PTPN9: variants seen among roughly 807,000 people sequenced by gnomAD.
PTPN9 encodes tyrosine-protein phosphatase non-receptor type 9.
In PTPN9, 26 loss-of-function variants were observed where a neutral mutation model predicts 69.8. That is an observed-to-expected ratio of 0.37 (90% CI 0.27 to 0.52). PTPN9 has a LOEUF of 0.52. PTPN9 is among the 20% of genes least tolerant of loss of function. The pLI is 0.91. For synonymous variants in PTPN9, 274 were observed against 272.5 expected, an observed-to-expected ratio of 1.01 and a Z score of -0.05; for missense variants, 549 against 740.3, an observed-to-expected ratio of 0.74 and a Z score of 3.00.
intron 5 of PTPN9, chr15:75,513,062 T>A: frequency 5.3e-6 from 2 of 380,368 alleles, no homozygotes; most frequent in Non-Finnish European, 1.0e-5. Context: ...CACAGGAGAA[T>A]GCTGCAGGCT....
chr15:75,481,838 G>C (rs983866706), intron 8 of PTPN9, among the ~76,000 whole-genome samples: 3 of 134,566 alleles, frequency 2.2e-5, no homozygotes, highest in Admixed American at 1.5e-4. Flanking sequence ...GGTGGGGGGG[G>C]GTCAGCGCCC....
intron 1 of PTPN9, among the ~76,000 whole-genome samples, chr15:75,559,768 CAA>C (rs5813803): frequency 8.4e-5 from 8 of 95,044 alleles, no homozygotes; most frequent in Non-Finnish European, 1.1e-4. Context: ...GAATGGTCAA[CAA>C]AAAAAAAAAA....
chr15:75,575,691 G>T (rs1011597428), intron 1 of PTPN9, among the ~76,000 whole-genome samples: 1 of 152,018 alleles, frequency 6.6e-6, no homozygotes, highest in Non-Finnish European at 1.5e-5. Context: ...AGGCCAAGGC[G>T]GGTGGATCAT....
chr15:75,530,687 T>A (rs60604706), intron 1 of PTPN9, among the ~76,000 whole-genome samples: 2,956 of 46,882 alleles, frequency 0.063, 917 homozygotes, highest in African/African-American at 0.2. Context: ...TATTATTATA[T>A]TATAATATAT....
intron 1 of PTPN9, chr15:75,570,226 TC>T (rs1439496757): frequency 2.0e-5 from 3 of 152,312 alleles, no homozygotes; most frequent in Non-Finnish European, 4.4e-5. Context: ...TAAGAGTTCT[TC>T]ACCTTTCCTT....
intron 7 of PTPN9, among the ~76,000 whole-genome samples, chr15:75,495,020 TC>T (rs2074732031): frequency 6.6e-6 from 1 of 151,950 alleles, no homozygotes; most frequent in Admixed American, 6.6e-5. Context: ...TGAGACCCCA[TC>T]TTAAATAAAT....
chr15:75,547,918 A>G (rs1316492850), intron 1 of PTPN9, among the ~76,000 whole-genome samples: 1 of 152,258 alleles, frequency 6.6e-6, no homozygotes, highest in South Asian at 2.1e-4. Context: ...CACTTGCCTC[A>G]GCCTCCCAAA....
chr15:75,531,455 C>T (rs774272868), intron 1 of PTPN9, among the ~76,000 whole-genome samples: 1 of 152,050 alleles, frequency 6.6e-6, no homozygotes, highest in Non-Finnish European at 1.5e-5. Flanking sequence ...GAGTGAGTGG[C>T]CAGCATCAAA....
In PTPN9 at chr15:75,468,715, T is replaced by C. The variant is rs2074548403; in HGVS notation, c.*54A>G. 6.6e-7 allele frequency: 1 copy of C among 1,507,820 alleles called. No homozygotes were observed. The highest frequency in any genetic ancestry group is 9.1e-7 in the Non-Finnish European group (1 of 1,094,334). 93.4% of individuals were successfully genotyped at this position (1,507,820 alleles called of 1,614,324 possible). A position where few individuals can be genotyped will look rare whatever the true frequency, so the allele number is the denominator to read the frequency against. ...TGATGGCAACCTATAGGCTCAGCGG[T>C]GTCCAGGGTAGTTTAAGGAAGGCTG... On this transcript the variant is annotated 3_prime_UTR_variant, in exon 13 of 13. Transcript: ENST00000618819.
intron 1 of PTPN9, among the ~76,000 whole-genome samples, chr15:75,559,174 G>A (rs1034421982): frequency 5.4e-5 from 8 of 148,486 alleles, no homozygotes; most frequent in African/African-American, 2.0e-4. Flanking sequence ...GCCTCTGCCC[G>A]GCCGCCCCGT....
chr15:75,502,333 G>C (rs989971320), intron 7 of PTPN9, among the ~76,000 whole-genome samples: 7 of 151,936 alleles, frequency 4.6e-5, no homozygotes, highest in African/African-American at 1.7e-4. Flanking sequence ...TATAATTCCA[G>C]CTACTTGGGA....
intron 5 of PTPN9, among the ~76,000 whole-genome samples, chr15:75,515,019 C>T (rs923938380): frequency 1.2e-4 from 18 of 152,058 alleles, no homozygotes; most frequent in Admixed American, 7.2e-4. Context: ...ACTTTAGGAC[C>T]CAACAATCTA....
At chr15:75,576,786 T>G (rs1300709608) in intron 1 of PTPN9, among the ~76,000 whole-genome samples, 1 of 152,048 alleles carries the variant, frequency 6.6e-6, no homozygotes, top group Non-Finnish European at 1.5e-5. Flanking sequence ...CCAGCCTAGA[T>G]GACAGGGCGA....
chr15:75,511,884 T>C (rs1271214138), intron 5 of PTPN9, among the ~76,000 whole-genome samples: 1 of 138,972 alleles, frequency 7.2e-6, no homozygotes, highest in Non-Finnish European at 1.6e-5. Context: ...TTTTTTTTTT[T>C]AGTCTCACTT....
intron 9 of PTPN9, among the ~76,000 whole-genome samples, chr15:75,477,975 G>A (rs898571119): frequency 2.0e-5 from 3 of 151,276 alleles, no homozygotes; most frequent in African/African-American, 7.3e-5. Context: ...CGAATAGTTG[G>A]GACTACAGGC....
At chr15:75,506,030 G>A (rs768558234) in intron 6 of PTPN9, 27 bp from the exon 7 acceptor site, 8 of 1,536,382 alleles carry the variant, frequency 5.2e-6, no homozygotes, top group Admixed American at 1.7e-5. Flanking sequence ...AACCATGTGA[G>A]TATGTGGGAG....
At position 75,480,772 on chromosome 15, in the gene PTPN9, G is replaced by C. The variant is rs1280303216; in HGVS notation, c.1063-858C>G. On this transcript the variant is annotated intron_variant, in intron 8 of 12. Coordinates refer to ENST00000618819, the MANE Select transcript of PTPN9 (RefSeq NM_002833.4). ...TCAGTCTTTGCCGCCGCGCCGGCGA[G>C]CGCCGCCCGCGAGGCAGCGGCTGGA... 10 of 1,143,490 alleles carry C rather than the reference G, an allele frequency of 8.7e-6. No individual in the cohort carries two copies. The East Asian group carries it at 2.8e-4, about 32-fold the overall frequency. 70.8% of individuals were successfully genotyped at this position (1,143,490 alleles called of 1,614,324 possible).
chr15:75,569,278 G>A (rs909518452), intron 1 of PTPN9, among the ~76,000 whole-genome samples: 1 of 152,022 alleles, frequency 6.6e-6, no homozygotes, highest in Admixed American at 6.6e-5. Context: ...GTAAAATGGG[G>A]CTTAATATTT....
chr15:75,507,134 CAA>C (rs2074823537), intron 6 of PTPN9, among the ~76,000 whole-genome samples: 1 of 152,128 alleles, frequency 6.6e-6, no homozygotes, highest in Non-Finnish European at 1.5e-5. Context: ...GGATTCCTCT[CAA>C]AGAGTTACCT....
Sources: allele counts gnomAD v4.1 joint callset (sites outside exome capture counted in the v4.1 genomes callset), GRCh38; gene constraint gnomAD v4.1.1; transcripts MANE v1.5; gene names NCBI Gene and HGNC (gene_info 2026-07-23, HGNC 2026-07-21).